ZFPM1: variants seen among roughly 807,000 people sequenced by gnomAD.
ZFPM1 encodes the protein zinc finger protein, FOG family member 1.
Under a neutral mutation model 46.3 loss-of-function variants are expected in ZFPM1, and 28 were observed. The ratio of observed to expected loss-of-function variants is 0.60; its 90% CI spans 0.45 to 0.83. The LOEUF is 0.83. Among genes scored for constraint, ZFPM1 ranks in the 40% least tolerant of loss-of-function variants. The probability of loss-of-function intolerance (pLI) is 0.00; values close to 1 mark genes in which losing one functional copy is unlikely to be tolerated. For missense variants in ZFPM1, 1,878 were observed against 1,432.4 expected (o/e 1.31, Z -5.02); for synonymous variants, 957 against 675.9 (o/e 1.42, Z -6.45).
intron 4 of ZFPM1, among the ~76,000 whole-genome samples, chr16:88,514,865 C>T (rs1192989847): frequency 1.3e-5 from 2 of 152,140 alleles, no homozygotes; most frequent in Non-Finnish European, 1.5e-5. Flanking sequence ...GGTACTGGGA[C>T]GGTGGGGATG....
Position 88,534,696 on chromosome 16 carries a change from GGTCCCGTGGC to G in ZFPM1, c.2739_2748del (p.Ser914ProfsTer89). 1 of 983,690 alleles carries G rather than the reference GGTCCCGTGGC, an allele frequency of 1.0e-6. No homozygotes were observed. The highest frequency in any genetic ancestry group is 1.2e-6 in the Non-Finnish European group (1 of 830,732). 60.9% of individuals were successfully genotyped at this position (983,690 alleles called of 1,614,324 possible). On this transcript the variant is annotated frameshift_variant, in exon 10 of 10. Coordinates refer to ENST00000319555, the MANE Select transcript of ZFPM1 (RefSeq NM_153813.3). LOFTEE classifies it low-confidence loss of function (END_TRUNC). ...GCCCCCGCCGCCTCCCCGCAGCCCGGGTCCCGTGGCCCCCGGGACGGCCTCGGCCCGGAGC... is the reference window on the plus strand; with the variant it reads ...GCCCCCGCCGCCTCCCCGCAGCCCGGCCCCGGGACGGCCTCGGCCCGGAGC...
chr16:88,468,923 G>T (rs2142351759), intron 1 of ZFPM1: 1 of 153,960 alleles, frequency 6.5e-6, no homozygotes, highest in East Asian at 1.9e-4. Flanking sequence ...GGAAGGGCCC[G>T]CCTTTTAGGG....
In ZFPM1 at chr16:88,533,554, G is replaced by T. The variant is rs574184583; in HGVS notation, c.1596G>T (p.Gly532=). ...GALFLPQYVF[G]PDAAPPASEI... ...TGTTCCTTCCGCAGTACGTGTTCGG[G>T]CCCGACGCGGCGCCCCCCGCCTCGG... Residue 532 remains glycine (G), a synonymous_variant, in exon 10 of 10, where the codon GGG becomes GGT. Coordinates refer to ENST00000319555, the MANE Select transcript of ZFPM1 (RefSeq NM_153813.3). The T allele has an allele frequency of 2.0e-6, 3 of 1,478,536 alleles. No individual in the cohort carries two copies. The highest frequency in any genetic ancestry group is 1.5e-5 in the African/African-American group (1 of 67,004). The allele number at this position is 1,478,536 out of a possible 1,614,324, so 91.6% of individuals were successfully genotyped here.
At position 88,528,095 on chromosome 16, in the gene ZFPM1, T is replaced by C. The variant is rs1397028777; in HGVS notation, c.569T>C (p.Leu190Pro). The C allele has an allele frequency of 6.3e-7, 1 of 1,576,718 alleles. No homozygotes were observed. Among genetic ancestry groups the C allele is most frequent in the Non-Finnish European group, 8.6e-7 (1 of 1,161,970 alleles). The change falls in exon 6 of 10, where the codon CTC becomes CCC. Residue 190 changes from leucine to proline, a missense_variant. Transcript: ENST00000319555. The stretch of plus-strand genomic sequence containing the variant: ...GCGGGGGGACTCCTGAGCGTGCTCC[T>C]CACGGCCGAGCCCCACAGCACCCCC... ...VPAGGLLSVL[L>P]TAEPHSTPGH... is the part of the protein sequence containing the mutation.
At chr16:88,474,528 G>A (rs1021668103) in intron 1 of ZFPM1, among the ~76,000 whole-genome samples, 2 of 152,020 alleles carry the variant, frequency 1.3e-5, no homozygotes, top group African/African-American at 4.8e-5. Flanking sequence ...CTGCCTCCCC[G>A]CCACCCGCCT....
intron 1 of ZFPM1, among the ~76,000 whole-genome samples, chr16:88,458,300 C>G (rs1907646601): frequency 6.6e-6 from 1 of 152,222 alleles, no homozygotes; most frequent in African/African-American, 2.4e-5. Context: ...CCTCTGAGGT[C>G]TTTCCCCAGA....
chr16:88,484,661 G>A (rs928638904), intron 1 of ZFPM1, among the ~76,000 whole-genome samples: 1 of 152,164 alleles, frequency 6.6e-6, no homozygotes, highest in Admixed American at 6.5e-5. Context: ...GGTGCAGAGG[G>A]GGCAGTCGCA....
At chr16:88,524,757 C>G (rs1912179866) in intron 4 of ZFPM1, among the ~76,000 whole-genome samples, 1 of 152,250 alleles carries the variant, frequency 6.6e-6, no homozygotes, top group Non-Finnish European at 1.5e-5. Flanking sequence ...GCCCCAAAGG[C>G]TAATGGTGGG....
At chr16:88,501,350 G>T (rs1910293183) in intron 3 of ZFPM1, among the ~76,000 whole-genome samples, 3 of 124,604 alleles carry the variant, frequency 2.4e-5, no homozygotes, top group Non-Finnish European at 3.4e-5. Flanking sequence ...CCTCCCGCAG[G>T]TGCTGGTGAT....
rs1912845111 is a variant in ZFPM1, at chr16:88,532,240, G to GC, written c.946+10dup. The GC allele has an allele frequency of 6.3e-7, 1 of 1,590,504 alleles. No homozygotes were observed. The highest frequency in any genetic ancestry group is 1.7e-5 in the Admixed American group (1 of 57,806). ...TCCACATGCGCAGCCACAGCGGTGA[G>GC]CCCCCACCCCGGACGCGGGTCCTCA... On this transcript the variant is annotated splice_donor_region_variant and intron_variant, in intron 7 of 9. Coordinates refer to ENST00000319555, the MANE Select transcript of ZFPM1 (RefSeq NM_153813.3).
At chr16:88,479,733 C>G (rs1261299528) in intron 1 of ZFPM1, among the ~76,000 whole-genome samples, 1 of 146,948 alleles carries the variant, frequency 6.8e-6, no homozygotes, top group African/African-American at 2.5e-5. Context: ...GCCAGCAAGA[C>G]CAGGAGGCCA....
At chr16:88,503,490 G>A (rs1319613058) in intron 3 of ZFPM1, among the ~76,000 whole-genome samples, 1 of 151,576 alleles carries the variant, frequency 6.6e-6, no homozygotes, top group Non-Finnish European at 1.5e-5. Context: ...AGGGATCTGT[G>A]TCTGGGGAGG....
In ZFPM1 at chr16:88,501,169, C is replaced by T. The variant is rs1399832243; in HGVS notation, c.268+12016C>T. ...CAGGTGCTGGTGATGATGGAGATAG[C>T]AGACATGGGTGCGGGGGCCCTCCCG... On this transcript the variant is annotated intron_variant, in intron 3 of 9. Coordinates refer to ENST00000319555, the MANE Select transcript of ZFPM1 (RefSeq NM_153813.3). Among the ~76,000 whole-genome samples, 7 of 116,636 alleles carry T rather than the reference C, an allele frequency of 6.0e-5. 1 individual carries two copies. The highest frequency in any genetic ancestry group is 9.7e-5 in the African/African-American group (3 of 31,020). 76.5% of individuals were successfully genotyped at this position (116,636 alleles called of 152,430 possible).
intron 4 of ZFPM1, chr16:88,516,486 C>T: frequency 2.5e-6 from 1 of 398,564 alleles, no homozygotes; most frequent in African/African-American, 2.1e-5. Flanking sequence ...AGGAAGGAGC[C>T]CCCGCTCCAC....
chr16:88,491,723 T>A (rs1909588062), intron 3 of ZFPM1, among the ~76,000 whole-genome samples: 1 of 152,188 alleles, frequency 6.6e-6, no homozygotes, highest in Non-Finnish European at 1.5e-5. Flanking sequence ...GCTGTGTGCA[T>A]CCTCAGGACC....
chr16:88,476,430 G>A (rs997281428), intron 1 of ZFPM1, among the ~76,000 whole-genome samples: 12 of 152,296 alleles, frequency 7.9e-5, no homozygotes, highest in Admixed American at 4.6e-4. Context: ...AGGGAGAGAG[G>A]GCCGCCAAGT....
Position 88,471,603 on chromosome 16 carries a change from G to A in ZFPM1, c.41-14336G>A, listed in dbSNP as rs190892685. ...GGGACGCCAGGACCCCGAGATGATC[G>A]TGGCTGTAGCGGCTCCCACTCACAG... is the stretch of plus-strand genomic sequence containing the variant. On this transcript the variant is annotated intron_variant, in intron 1 of 9. Transcript: ENST00000319555. This position sits in a 1 kb window ranked among gnomAD's most constrained non-coding sequence, Gnocchi z 4.1. Among the ~76,000 whole-genome samples, 379 of 152,290 alleles carry A rather than the reference G, an allele frequency of 2.5e-3. 2 individuals are homozygous for A. Among genetic ancestry groups the A allele is most frequent in the Non-Finnish European group, 2.4e-3 (161 of 68,012 alleles).
chr16:88,454,561 C>T (rs1270339399), intron 1 of ZFPM1, among the ~76,000 whole-genome samples: 1 of 152,262 alleles, frequency 6.6e-6, no homozygotes, highest in African/African-American at 2.4e-5. Flanking sequence ...TGGTCCGGCT[C>T]CCTGCCCGGT....
At position 88,460,911 on chromosome 16, in the gene ZFPM1, G is replaced by T. The variant is rs567616859; in HGVS notation, c.40+7233G>T. On this transcript the variant is annotated intron_variant, in intron 1 of 9. Coordinates refer to ENST00000319555, the MANE Select transcript of ZFPM1 (RefSeq NM_153813.3). ...GACTGAGGGATGGGAGGCCTGGTGA[G>T]GACCGAGGGGCGGGGCGGGAGGCCT... Among the ~76,000 whole-genome samples the T allele has an allele frequency of 6.6e-4, 80 of 121,676 alleles. 1 individual carries two copies. Among genetic ancestry groups the T allele is most frequent in the African/African-American group, 1.5e-3 (45 of 29,198 alleles). 79.8% of individuals were successfully genotyped at this position (121,676 alleles called of 152,430 possible). A position where few individuals can be genotyped will look rare whatever the true frequency, so the allele number is the denominator to read the frequency against.
Sources: gnomAD v4.1 joint callset for allele counts (sites outside exome capture counted in the v4.1 genomes callset) on GRCh38, gnomAD v4.1.1 for gene constraint, Gnocchi (gnomAD v3.1) non-coding constraint, MANE v1.5 for transcripts, NCBI Gene and HGNC (gene_info 2026-07-23, HGNC 2026-07-21) for gene names.